Variants in TSC22D1 observed in about 807,000 individuals in gnomAD.
TSC22D1 encodes the protein TSC22 domain family member 1.
A neutral mutation model predicts 74.2 loss-of-function variants in TSC22D1; 9 were observed. The observed-to-expected ratio is 0.12, with a 90% CI of 0.07 to 0.21. The LOEUF (loss-of-function observed/expected upper bound fraction) is 0.21, where lower values mean the gene tolerates loss of function less well. Ranked by LOEUF, TSC22D1 falls within the 10% of genes least tolerant of loss-of-function variation. TSC22D1 has a pLI of 1.00. For missense variants in TSC22D1, 1,427 were observed against 1,304.7 expected, an observed-to-expected ratio of 1.09 and a Z score of -1.44; for synonymous variants, 586 against 492.5, an observed-to-expected ratio of 1.19 and a Z score of -2.51.
chr13:44,512,217 C>T (rs193049363), intron 1 of TSC22D1, among the ~76,000 whole-genome samples: 3 of 152,092 alleles, frequency 2.0e-5, no homozygotes, highest in Non-Finnish European at 2.9e-5. Flanking sequence ...TCGCCCAGGC[C>T]GGAGTGCAAT....
chr13:44,528,905 T>A (rs1371657110), intron 1 of TSC22D1, among the ~76,000 whole-genome samples: 1 of 152,036 alleles, frequency 6.6e-6, no homozygotes, highest in Non-Finnish European at 1.5e-5. Context: ...ATTCCTTGAA[T>A]AATCTATCAA....
chr13:44,494,766 C>G (rs1477233125), intron 1 of TSC22D1, among the ~76,000 whole-genome samples: 1 of 152,102 alleles, frequency 6.6e-6, no homozygotes, highest in African/African-American at 2.4e-5. Flanking sequence ...TTAACAGAAA[C>G]TGTTCCTGAC....
At chr13:44,448,562 C>G (rs1376791526) in intron 1 of TSC22D1, among the ~76,000 whole-genome samples, 1 of 152,204 alleles carries the variant, frequency 6.6e-6, no homozygotes, top group African/African-American at 2.4e-5. Context: ...AAAGTTGACT[C>G]TGTGTGCTGG....
chr13:44,446,926 TGTA>T (rs1457093106), intron 1 of TSC22D1, among the ~76,000 whole-genome samples: 1 of 152,120 alleles, frequency 6.6e-6, no homozygotes, highest in Non-Finnish European at 1.5e-5. Context: ...CATTTTTTAT[TGTA>T]GTAAAAAACA....
intron 1 of TSC22D1, among the ~76,000 whole-genome samples, chr13:44,505,045 T>C (rs936615977): frequency 6.6e-6 from 1 of 152,232 alleles, no homozygotes; most frequent in African/African-American, 2.4e-5. Flanking sequence ...TGAATCGTAG[T>C]GCTCTTTTCC....
intron 1 of TSC22D1, among the ~76,000 whole-genome samples, chr13:44,554,514 G>A (rs1223831053): frequency 6.7e-6 from 1 of 150,038 alleles, no homozygotes; most frequent in Non-Finnish European, 1.5e-5. Context: ...CCAAAACCAT[G>A]TCTTTTTTTT....
chr13:44,475,654 C>T (rs552994194), intron 1 of TSC22D1, among the ~76,000 whole-genome samples: 68 of 150,988 alleles, frequency 4.5e-4, no homozygotes, highest in African/African-American at 1.5e-3. Flanking sequence ...GTATCAGGAA[C>T]GAAAAAAATA....
chr13:44,539,955 A>G (rs1881367937), intron 1 of TSC22D1: 5 of 1,278,124 alleles, frequency 3.9e-6, no homozygotes, highest in Non-Finnish European at 5.1e-6. Context: ...AGATTTAAGG[A>G]AAAATTCTTA....
At chr13:44,563,921 C>T (rs1440978889) in intron 1 of TSC22D1, among the ~76,000 whole-genome samples, 3 of 152,142 alleles carry the variant, frequency 2.0e-5, no homozygotes, top group Non-Finnish European at 4.4e-5. Flanking sequence ...TTACTTAGCC[C>T]TTATATTGCC....
At chr13:44,440,666 T>C (rs1388655156) in intron 1 of TSC22D1, among the ~76,000 whole-genome samples, 3 of 149,902 alleles carry the variant, frequency 2.0e-5, no homozygotes, top group Admixed American at 2.0e-4. Context: ...ATAGGATGCA[T>C]TTCTATTTTG....
intron 1 of TSC22D1, among the ~76,000 whole-genome samples, chr13:44,458,607 C>A (rs9533858): frequency 1.3e-5 from 2 of 152,044 alleles, no homozygotes; most frequent in Admixed American, 6.5e-5. Context: ...CCCAGCCGTA[C>A]CTCCAGACCT....
At chr13:44,525,222 T>C (rs9533892) in intron 1 of TSC22D1, among the ~76,000 whole-genome samples, 16,302 of 152,134 alleles carry the variant, frequency 0.11, 952 homozygotes, top group Non-Finnish European at 0.12. Context: ...TTCTCCCCGC[T>C]CCACAACACT....
At chr13:44,544,035 G>C (rs994911849) in intron 1 of TSC22D1, among the ~76,000 whole-genome samples, 2 of 152,194 alleles carry the variant, frequency 1.3e-5, no homozygotes, top group African/African-American at 4.8e-5. Context: ...AGAGGTTGCA[G>C]TGAGCTGAGA....
rs187200971 is a variant in TSC22D1, at chr13:44,465,162, C to T, written c.2913-29067G>A. 1.3e-3 allele frequency among the ~76,000 whole-genome samples: 191 copies of T among 152,188 alleles called. 1 individual carries two copies. The highest frequency in any genetic ancestry group is 4.5e-3 in the Admixed American group (69 of 15,290). On this transcript the variant is annotated intron_variant, in intron 1 of 2. Coordinates refer to ENST00000458659, the MANE Select transcript of TSC22D1 (RefSeq NM_183422.4). Reference sequence around the variant, plus strand: ...AAGAAATGTCTGAAGGAAACTTTCACGGTACTAGGACAGTATGTAACACAG... The same window carrying T: ...AAGAAATGTCTGAAGGAAACTTTCATGGTACTAGGACAGTATGTAACACAG...
At chr13:44,500,106 A>G (rs1244500085) in intron 1 of TSC22D1, among the ~76,000 whole-genome samples, 3 of 151,570 alleles carry the variant, frequency 2.0e-5, no homozygotes, top group African/African-American at 7.3e-5. Flanking sequence ...AAAAAAAAAA[A>G]AAAAAGAAAA....
intron 1 of TSC22D1, among the ~76,000 whole-genome samples, chr13:44,459,946 A>G (rs1876908230): frequency 1.3e-5 from 2 of 152,182 alleles, no homozygotes; most frequent in South Asian, 4.1e-4. Flanking sequence ...CCAGGACAGT[A>G]GCACAAGCGG....
At chr13:44,485,249 TGAG>T (rs1264873140) in intron 1 of TSC22D1, among the ~76,000 whole-genome samples, 3 of 152,046 alleles carry the variant, frequency 2.0e-5, no homozygotes, top group Admixed American at 2.0e-4. Context: ...TTCTGAAAAA[TGAG>T]TGCTTAGTAT....
At chr13:44,542,547 G>C (rs1881541629) in intron 1 of TSC22D1, among the ~76,000 whole-genome samples, 1 of 152,064 alleles carries the variant, frequency 6.6e-6, no homozygotes, top group African/African-American at 2.4e-5. Flanking sequence ...TGGAGAAAAT[G>C]AATCTTTACA....
At position 44,434,497 on chromosome 13, in the gene TSC22D1, T is replaced by C. The variant is rs767095339; in HGVS notation, c.*129A>G. The C allele has an allele frequency of 5.6e-6, 8 of 1,419,122 alleles. No homozygotes were observed. The highest frequency in any genetic ancestry group is 1.4e-5 in the African/African-American group (1 of 69,186). The allele number at this position is 1,419,122 out of a possible 1,614,324, so 87.9% of individuals were successfully genotyped here. A position where few individuals can be genotyped will look rare whatever the true frequency, so the allele number is the denominator to read the frequency against. On this transcript the variant is annotated 3_prime_UTR_variant, in exon 3 of 3. Coordinates refer to ENST00000458659, the MANE Select transcript of TSC22D1 (RefSeq NM_183422.4). The stretch of plus-strand genomic sequence containing the variant: ...TAATACTGGAAAAGAGATAATGGCA[T>C]ATGTCAGTCTCACGTCTCTTTCGCA...
Sources: gnomAD v4.1 joint callset for allele counts (sites outside exome capture counted in the v4.1 genomes callset) on GRCh38, gnomAD v4.1.1 for gene constraint, MANE v1.5 for transcripts, NCBI Gene and HGNC (gene_info 2026-07-23, HGNC 2026-07-21) for gene names.